The following PDE4B variants were observed in gnomAD, a reference collection of about 807,000 sequenced individuals.
The protein encoded by PDE4B is phosphodiesterase 4B.
PDE4B carries 20 observed loss-of-function variants against 82.2 expected under a neutral mutation model. That is an observed-to-expected ratio of 0.24 (90% CI 0.17 to 0.35). The LOEUF (loss-of-function observed/expected upper bound fraction) is 0.35. Ranked by LOEUF, PDE4B falls within the 10% of genes least tolerant of loss-of-function variation. PDE4B has a pLI of 1.00. For synonymous variants in PDE4B, 320 were observed against 318.9 expected (o/e 1.00, Z -0.04); for missense variants, 655 against 907.2 (o/e 0.72, Z 3.57).
At chr1:66,292,399 C>T (rs1657153313) in intron 7 of PDE4B, among the ~76,000 whole-genome samples, 1 of 152,126 alleles carries the variant, frequency 6.6e-6, no homozygotes, top group South Asian at 2.1e-4. Context: ...TACTGAGTGG[C>T]AAAGCGAGGG....
At chr1:66,330,771 A>C in intron 7 of PDE4B, 1 of 985,338 alleles carries the variant, frequency 1.0e-6, no homozygotes, top group Middle Eastern at 5.2e-4. Flanking sequence ...CGGACACACT[A>C]GAGAGTAAGT....
At chr1:65,952,708 A>C (rs1649067616) in intron 3 of PDE4B, among the ~76,000 whole-genome samples, 1 of 151,920 alleles carries the variant, frequency 6.6e-6, no homozygotes, top group Non-Finnish European at 1.5e-5. Flanking sequence ...TAAAAATAAA[A>C]ATAAACCCAC....
At chr1:65,800,772 G>C (rs920860255) in intron 1 of PDE4B, among the ~76,000 whole-genome samples, 1 of 152,196 alleles carries the variant, frequency 6.6e-6, no homozygotes, top group Non-Finnish European at 1.5e-5. Context: ...ATTTGCAATA[G>C]TAAGAGTGGT....
intron 10 of PDE4B, among the ~76,000 whole-genome samples, 199 bp from the exon 11 acceptor site, chr1:66,362,968 TG>T (rs1346182419): frequency 6.6e-6 from 1 of 152,154 alleles, no homozygotes; most frequent in Non-Finnish European, 1.5e-5. Context: ...GAATAAAAAA[TG>T]TTCAGAAACT....
At chr1:65,976,053 T>C (rs1240931157) in intron 3 of PDE4B, among the ~76,000 whole-genome samples, 1 of 152,064 alleles carries the variant, frequency 6.6e-6, no homozygotes, top group Non-Finnish European at 1.5e-5. Context: ...GAATGGTAGA[T>C]CCATCGACAG....
intron 3 of PDE4B, among the ~76,000 whole-genome samples, chr1:65,955,082 G>T (rs561162828): frequency 1.3e-5 from 2 of 152,100 alleles, no homozygotes; most frequent in Non-Finnish European, 2.9e-5. Context: ...CTTGGCACTT[G>T]TGGAAAATGG....
chr1:65,914,395 A>AT (rs1647132770), intron 2 of PDE4B, among the ~76,000 whole-genome samples: 2 of 150,834 alleles, frequency 1.3e-5, no homozygotes, highest in Non-Finnish European at 3.0e-5. Context: ...TGCCATTTCT[A>AT]TTTTTTGTGT....
intron 1 of PDE4B, among the ~76,000 whole-genome samples, chr1:65,853,655 G>T (rs1646358179): frequency 6.6e-6 from 1 of 151,750 alleles, no homozygotes; most frequent in Non-Finnish European, 1.5e-5. Context: ...TCAGCCTCCT[G>T]AGTAGCTGGG....
chr1:66,230,659 T>G (rs997886507), intron 3 of PDE4B, among the ~76,000 whole-genome samples: 8 of 152,220 alleles, frequency 5.3e-5, no homozygotes, highest in Admixed American at 3.9e-4. Flanking sequence ...CAGAAAATTC[T>G]TACGTCTAAA....
chr1:66,026,739 C>T (rs1431166086), intron 3 of PDE4B, among the ~76,000 whole-genome samples: 2 of 152,174 alleles, frequency 1.3e-5, no homozygotes, highest in Non-Finnish European at 2.9e-5. Flanking sequence ...TTGCCAGACT[C>T]CACTTCAATT....
chr1:65,866,946 A>G (rs929700671), intron 1 of PDE4B, among the ~76,000 whole-genome samples: 1 of 152,234 alleles, frequency 6.6e-6, no homozygotes, highest in Non-Finnish European at 1.5e-5. Flanking sequence ...TTATTAATCA[A>G]AACTTTTTTT....
intron 3 of PDE4B, among the ~76,000 whole-genome samples, chr1:66,076,897 A>G (rs940774315): frequency 1.3e-5 from 2 of 151,490 alleles, no homozygotes; most frequent in South Asian, 4.2e-4. Context: ...AATTTTTTTT[A>G]TAGATTCTGG....
intron 3 of PDE4B, among the ~76,000 whole-genome samples, chr1:66,073,118 G>A (rs1053445168): frequency 1.3e-5 from 2 of 151,888 alleles, no homozygotes; most frequent in African/African-American, 2.4e-5. Context: ...CAGGCCTGCC[G>A]GATCTTGTGA....
At chr1:66,313,457 T>C (rs765070656) in intron 7 of PDE4B, among the ~76,000 whole-genome samples, 1 of 152,168 alleles carries the variant, frequency 6.6e-6, no homozygotes, top group South Asian at 2.1e-4. Context: ...TTCTTGAAGA[T>C]TCACTTCCCT....
intron 3 of PDE4B, among the ~76,000 whole-genome samples, chr1:66,127,198 C>T (rs754014320): frequency 7.3e-5 from 11 of 151,588 alleles, no homozygotes; most frequent in Non-Finnish European, 1.0e-4. Context: ...TGAATATGTT[C>T]TAGGAATACA....
intron 3 of PDE4B, among the ~76,000 whole-genome samples, chr1:66,186,635 G>T (rs558349972): frequency 6.6e-6 from 1 of 152,058 alleles, no homozygotes; most frequent in South Asian, 2.1e-4. Context: ...GGCTCTGTTT[G>T]TCTGTTATTG....
chr1:66,207,802 G>A (rs1186959747), intron 3 of PDE4B, among the ~76,000 whole-genome samples: 2 of 152,148 alleles, frequency 1.3e-5, no homozygotes, highest in African/African-American at 2.4e-5. Flanking sequence ...ATTCCTCCTG[G>A]ATGGATCTTC....
chr1:66,009,359 C>T (rs1211827142), intron 3 of PDE4B, among the ~76,000 whole-genome samples: 1 of 152,196 alleles, frequency 6.6e-6, no homozygotes, highest in Non-Finnish European at 1.5e-5. Context: ...AAATTAACAT[C>T]TTACTGGATC....
rs1422106232 is a variant in PDE4B, at chr1:66,009,942, TATCTATCTATC to T, written c.281+91119_281+91129del. On this transcript the variant is annotated intron_variant, in intron 3 of 16. Transcript: ENST00000341517. ...CTATCTATCTATCTATCTATCTATC[TATCTATCTATC>T]ATCTATCTATCTAATCTTTGGTATT... Among the ~76,000 whole-genome samples the T allele has an allele frequency of 1.4e-3, 201 of 147,914 alleles. 1 individual carries two copies. The highest frequency in any genetic ancestry group is 5.0e-3 in the African/African-American group (191 of 38,098).
Sources: allele counts gnomAD v4.1 joint callset (sites outside exome capture counted in the v4.1 genomes callset), GRCh38; gene constraint gnomAD v4.1.1; transcripts MANE v1.5; gene names NCBI Gene and HGNC (gene_info 2026-07-23, HGNC 2026-07-21).